Variants in CPXM2 observed in about 807,000 individuals in gnomAD.
CPXM2 encodes inactive carboxypeptidase-like protein X2.
CPXM2 carries 66 observed loss-of-function variants against 86.1 expected under a neutral mutation model. That is an observed-to-expected ratio of 0.77 (90% CI 0.63 to 0.94). The LOEUF (loss-of-function observed/expected upper bound fraction) is 0.94, where lower values mean the gene tolerates loss of function less well. CPXM2 is among the 40% of genes least tolerant of loss of function. The probability of loss-of-function intolerance (pLI) is 0.00; values close to 1 mark genes in which losing one functional copy is unlikely to be tolerated. For missense variants in CPXM2, 948 were observed against 1,026.3 expected (o/e 0.92, Z 1.04); for synonymous variants, 388 against 400.2 (o/e 0.97, Z 0.36).
At chr10:123,789,280 G>A (rs1309513067) in intron 6 of CPXM2, among the ~76,000 whole-genome samples, 2 of 152,196 alleles carry the variant, frequency 1.3e-5, no homozygotes, top group Non-Finnish European at 2.9e-5. Flanking sequence ...CCGCCCCACA[G>A]GGCCCCTCAG....
At chr10:123,775,905 T>C (rs1468603436) in intron 7 of CPXM2, among the ~76,000 whole-genome samples, 1 of 152,218 alleles carries the variant, frequency 6.6e-6, no homozygotes, top group African/African-American at 2.4e-5. Context: ...TCCCCAGGAA[T>C]GAAGTTTCCC....
At chr10:123,778,234 C>A (rs536104509) in intron 7 of CPXM2, among the ~76,000 whole-genome samples, 1 of 152,160 alleles carries the variant, frequency 6.6e-6, no homozygotes, top group Non-Finnish European at 1.5e-5. Context: ...ATGTCTCTTT[C>A]AATAGTAGGA....
At chr10:123,867,356 T>A (rs1352090458) in intron 2 of CPXM2, among the ~76,000 whole-genome samples, 2 of 152,098 alleles carry the variant, frequency 1.3e-5, no homozygotes, top group African/African-American at 4.8e-5. Flanking sequence ...GGCTAGAAAA[T>A]AAAAGACAGG....
At chr10:123,817,945 G>A (rs142304443) in intron 4 of CPXM2, among the ~76,000 whole-genome samples, 2,245 of 152,326 alleles carry the variant, frequency 0.015, 33 homozygotes, top group Non-Finnish European at 0.02. Flanking sequence ...CCTGTAAGGA[G>A]AAATGGCCAG....
At chr10:123,877,787 T>C (rs952677983) in intron 2 of CPXM2, among the ~76,000 whole-genome samples, 5 of 152,356 alleles carry the variant, frequency 3.3e-5, no homozygotes, top group Admixed American at 1.3e-4. Context: ...GGTAGTTTGA[T>C]ACTTGCCACA....
At chr10:123,787,610 A>G (rs1004849542) in intron 6 of CPXM2, among the ~76,000 whole-genome samples, 2 of 152,200 alleles carry the variant, frequency 1.3e-5, no homozygotes, top group African/African-American at 4.8e-5. Flanking sequence ...AACAGTAAGA[A>G]TCCCAGATCA....
intron 2 of CPXM2, among the ~76,000 whole-genome samples, chr10:123,925,168 A>C (rs1362069570): frequency 6.6e-6 from 1 of 152,162 alleles, no homozygotes; most frequent in Non-Finnish European, 1.5e-5. Flanking sequence ...TGGTCCCTGG[A>C]CCCAATTTAT....
intron 2 of CPXM2, among the ~76,000 whole-genome samples, chr10:123,874,437 T>C (rs1267970763): frequency 6.6e-6 from 1 of 151,920 alleles, no homozygotes; most frequent in East Asian, 1.9e-4. Flanking sequence ...TGGGTTAGCA[T>C]TTCAACAAAC....
chr10:123,765,916 T>C (rs1846461210), intron 10 of CPXM2, among the ~76,000 whole-genome samples: 1 of 150,408 alleles, frequency 6.6e-6, no homozygotes, highest in Non-Finnish European at 1.5e-5. Context: ...GTCCGATCTT[T>C]TGTTGTTGTT....
At chr10:123,876,582 G>A (rs1240402046) in intron 2 of CPXM2, among the ~76,000 whole-genome samples, 1 of 152,188 alleles carries the variant, frequency 6.6e-6, no homozygotes, top group Non-Finnish European at 1.5e-5. Flanking sequence ...GCCTGTTTTT[G>A]TATGATCTGT....
At chr10:123,871,274 G>A (rs1025472914) in intron 2 of CPXM2, among the ~76,000 whole-genome samples, 2 of 152,218 alleles carry the variant, frequency 1.3e-5, no homozygotes, top group South Asian at 2.1e-4. Context: ...AACAGGCTGT[G>A]AGCCTCAAGA....
rs568312746 is a variant in CPXM2, at chr10:123,791,874, T to C, written c.889+6102A>G. Among the ~76,000 whole-genome samples, 7 of 152,324 alleles carry C rather than the reference T, an allele frequency of 4.6e-5. No homozygotes were observed. The South Asian group carries it at 1.4e-3, about 32-fold the overall frequency. On this transcript the variant is annotated intron_variant, in intron 6 of 13. Transcript: ENST00000241305. ...TGGCGAGCCCTGAACAAATGCCCAC[T>C]GCGAGAGGCCATCCTTCCGAACTGA...
At chr10:123,911,858 G>T (rs1945490839) in intron 2 of CPXM2, among the ~76,000 whole-genome samples, 1 of 152,106 alleles carries the variant, frequency 6.6e-6, no homozygotes, top group African/African-American at 2.4e-5. Context: ...TACCAGTGGT[G>T]AATCTGCAGC....
intron 2 of CPXM2, among the ~76,000 whole-genome samples, chr10:123,874,351 C>G (rs1944943614): frequency 6.6e-6 from 1 of 151,818 alleles, no homozygotes; most frequent in Non-Finnish European, 1.5e-5. Flanking sequence ...ATTCCACCCT[C>G]GTGATCTAAT....
intron 4 of CPXM2, among the ~76,000 whole-genome samples, chr10:123,832,851 G>T (rs992376354): frequency 7.7e-6 from 1 of 129,380 alleles, no homozygotes; most frequent in Admixed American, 7.6e-5. Flanking sequence ...GTGGGTCTTT[G>T]GGGGTAGAGC....
intron 2 of CPXM2, among the ~76,000 whole-genome samples, chr10:123,920,581 A>G (rs1945571859): frequency 6.6e-6 from 1 of 152,228 alleles, no homozygotes; most frequent in South Asian, 2.1e-4. Flanking sequence ...TTTTGGCAAA[A>G]AGATCTATTG....
upstream of CPXM2, among the ~76,000 whole-genome samples, chr10:123,893,395 C>G (rs900473708): frequency 6.6e-6 from 1 of 152,180 alleles, no homozygotes; most frequent in African/African-American, 2.4e-5. Flanking sequence ...GGTTGTCATT[C>G]TCTTTCTGCG....
At position 123,767,042 on chromosome 10, in the gene CPXM2, C is replaced by T. The variant is rs62640895; in HGVS notation, c.1410G>A (p.Gln470=). The T allele has an allele frequency of 4.5e-4, 719 of 1,614,178 alleles. 5 individuals carry two copies. The African/African-American group carries it at 7.7e-3, about 17-fold the overall frequency. ...GATTGGGAACTTTCCTGGGGACATT[C>T]TGTCGATCCTCTGCCTCCCAGAGCA... The part of the protein sequence containing the change: ...NTLLWEAEDR[Q]NVPRKVPNHY... Residue 470 remains glutamine (Q), a synonymous_variant, in exon 10 of 14, where the codon CAG becomes CAA. Coordinates refer to ENST00000241305, the MANE Select transcript of CPXM2 (RefSeq NM_198148.3).
chr10:123,930,668 C>T lies in CPXM2; in HGVS notation n.174+8809G>A, dbSNP rs563210376. Among the ~76,000 whole-genome samples the T allele has an allele frequency of 3.9e-5, 6 of 152,324 alleles. No homozygotes were observed. In the South Asian group the frequency reaches 1.2e-3, roughly 32 times the overall value. On this transcript the variant is annotated intron_variant and non_coding_transcript_variant, in intron 2 of 19. Coordinates refer to the CPXM2 transcript ENST00000368854. ...GTAAGTGAATCAGGATTTGAAATTG[C>T]ATAACACTCCTGAGAGCTGCCATGT... is the stretch of plus-strand genomic sequence containing the variant.
Sources: allele counts gnomAD v4.1 joint callset (sites outside exome capture counted in the v4.1 genomes callset), GRCh38; gene constraint gnomAD v4.1.1; transcripts MANE v1.5; gene names NCBI Gene and HGNC (gene_info 2026-07-23, HGNC 2026-07-21).